PTCHD4: variants seen among roughly 807,000 people sequenced by gnomAD.
PTCHD4 encodes patched domain containing 4.
In PTCHD4, 33 loss-of-function variants were observed where a neutral mutation model predicts 58.1. The observed-to-expected ratio is 0.57, with a 90% confidence interval of 0.43 to 0.76. The LOEUF is 0.76. PTCHD4 is among the 30% of genes least tolerant of loss of function. The probability of loss-of-function intolerance (pLI) is 0.00; values close to 1 mark genes in which losing one functional copy is unlikely to be tolerated. For synonymous variants in PTCHD4, 478 were observed against 409.6 expected, an observed-to-expected ratio of 1.17 and a Z score of -2.02; for missense variants, 1,058 against 1,027.1, an observed-to-expected ratio of 1.03 and a Z score of -0.41.
At position 47,873,336 on chromosome 6, in the gene PTCHD4, T is replaced by C. The variant is rs1328981; in HGVS notation, c.*4967A>G. On this transcript the variant is annotated 3_prime_UTR_variant, in exon 5 of 5. Coordinates refer to ENST00000339488, the MANE Select transcript of PTCHD4 (RefSeq NM_001384253.1). ...CTATCACACCTACTTACAGACATCT[T>C]GATTTCTGAGATGTGGGCTCATCTC... Among the ~76,000 whole-genome samples, 9,310 of 151,756 alleles carry C rather than the reference T, an allele frequency of 0.061. 334 individuals are homozygous for C. Among genetic ancestry groups the C allele is most frequent in the Middle Eastern group, 0.099 (29 of 294 alleles).
In PTCHD4 at chr6:47,879,432, T is replaced by C. The variant is rs749993704; in HGVS notation, c.1403A>G (p.Tyr468Cys). The change falls in exon 5 of 5, where the codon TAT becomes TGT. Residue 468 changes from tyrosine to cysteine, a missense_variant. Physicochemically the swap from Tyr to Cys is radical, Grantham distance 194. Coordinates refer to ENST00000339488, the MANE Select transcript of PTCHD4 (RefSeq NM_001384253.1). ...GAAGGAGAAGGAGGCATAAATGAGATAGAGGATGACAACAAATGGCTTCAC... is the reference window on the plus strand; with the variant it reads ...GAAGGAGAAGGAGGCATAAATGAGACAGAGGATGACAACAAATGGCTTCAC... ...IYVKPFVVIL[Y>C]LIYASFSFMG... 5.6e-6 allele frequency: 9 copies of C among 1,613,528 alleles called. No homozygotes were observed. The highest frequency in any genetic ancestry group is 2.7e-5 in the African/African-American group (2 of 74,898).
intron 1 of PTCHD4, among the ~76,000 whole-genome samples, chr6:48,091,306 A>T (rs1369534591): frequency 6.6e-6 from 1 of 152,012 alleles, no homozygotes; most frequent in East Asian, 1.9e-4. Flanking sequence ...ATAAAAATGA[A>T]TAAAAATGAA....
intron 1 of PTCHD4, among the ~76,000 whole-genome samples, chr6:48,100,940 A>C (rs1765591009): frequency 6.6e-6 from 1 of 152,322 alleles, no homozygotes; most frequent in Admixed American, 6.5e-5. Flanking sequence ...ATTATGTCAA[A>C]ATAATTTTAA....
chr6:47,944,102 T>C (rs1766332183), intron 4 of PTCHD4, among the ~76,000 whole-genome samples: 1 of 152,108 alleles, frequency 6.6e-6, no homozygotes, highest in Non-Finnish European at 1.5e-5. Flanking sequence ...AAAGAATCTT[T>C]CTATTCCAAT....
At chr6:47,928,357 T>C (rs16876833) in intron 4 of PTCHD4, among the ~76,000 whole-genome samples, 24,121 of 152,184 alleles carry the variant, frequency 0.16, 2,297 homozygotes, top group African/African-American at 0.27. Context: ...AGAATGAAAC[T>C]AGGAGATCTA....
chr6:48,048,751 C>A (rs529087211), intron 3 of PTCHD4, among the ~76,000 whole-genome samples: 1 of 152,098 alleles, frequency 6.6e-6, no homozygotes, highest in East Asian at 1.9e-4. Context: ...GCTTCCCAGA[C>A]CAACAGGATT....
intron 4 of PTCHD4, among the ~76,000 whole-genome samples, chr6:47,985,751 C>A (rs1371477032): frequency 1.3e-5 from 1 of 74,980 alleles, no homozygotes; most frequent in African/African-American, 4.5e-5. Context: ...TAAATGCATT[C>A]CTTTTTTTTT....
chr6:47,950,397 G>A (rs1219503114), intron 4 of PTCHD4, among the ~76,000 whole-genome samples: 1 of 152,090 alleles, frequency 6.6e-6, no homozygotes, highest in Non-Finnish European at 1.5e-5. Flanking sequence ...TCTTGCTAGT[G>A]AGGAACAGTG....
intron 4 of PTCHD4, among the ~76,000 whole-genome samples, chr6:47,931,413 T>A (rs1029051644): frequency 2.6e-5 from 4 of 152,214 alleles, no homozygotes; most frequent in African/African-American, 9.6e-5. Flanking sequence ...TAATTCTAGA[T>A]GGATGAACAC....
chr6:48,035,914 C>A (rs1763615924), intron 3 of PTCHD4, among the ~76,000 whole-genome samples: 1 of 152,112 alleles, frequency 6.6e-6, no homozygotes, highest in African/African-American at 2.4e-5. Context: ...CAGAGTTGAG[C>A]CTTATCTCTC....
intron 4 of PTCHD4, among the ~76,000 whole-genome samples, chr6:47,907,863 G>C (rs1302859591): frequency 6.6e-6 from 1 of 152,064 alleles, no homozygotes; most frequent in Non-Finnish European, 1.5e-5. Flanking sequence ...AGACTGTAGG[G>C]GAAACCTGGA....
chr6:48,051,585 A>G (rs991648919), intron 3 of PTCHD4, among the ~76,000 whole-genome samples: 13 of 151,870 alleles, frequency 8.6e-5, no homozygotes, highest in African/African-American at 3.1e-4. Context: ...TTTTCATCTT[A>G]ATATTTCTTG....
intron 4 of PTCHD4, among the ~76,000 whole-genome samples, chr6:47,961,728 A>G (rs1767102129): frequency 6.6e-6 from 1 of 152,240 alleles, no homozygotes; most frequent in Non-Finnish European, 1.5e-5. Context: ...TAAACTGAAT[A>G]AAAATTAAAC....
chr6:47,937,132 T>TAAAA, intron 4 of PTCHD4, among the ~76,000 whole-genome samples: 1 of 152,322 alleles, frequency 6.6e-6, no homozygotes. Flanking sequence ...GGCTTTGGTC[T>TAAAA]TCCATCTGGG....
intron 4 of PTCHD4, among the ~76,000 whole-genome samples, chr6:47,991,324 A>G (rs923953429): frequency 6.6e-6 from 1 of 152,154 alleles, no homozygotes; most frequent in African/African-American, 2.4e-5. Flanking sequence ...AAGATGATAG[A>G]GAATAGTTAT....
chr6:47,974,735 T>C (rs903148832), intron 4 of PTCHD4, among the ~76,000 whole-genome samples: 1 of 152,220 alleles, frequency 6.6e-6, no homozygotes, highest in African/African-American at 2.4e-5. Context: ...TTCTTGCTGA[T>C]TTTCATTCTT....
At chr6:48,038,910 T>A (rs1369704613) in intron 3 of PTCHD4, among the ~76,000 whole-genome samples, 3 of 152,120 alleles carry the variant, frequency 2.0e-5, no homozygotes, top group African/African-American at 7.2e-5. Flanking sequence ...AAAAGGTTTG[T>A]TATGGACAAT....
intron 4 of PTCHD4, among the ~76,000 whole-genome samples, chr6:47,945,086 C>G (rs530341032): frequency 2.0e-5 from 3 of 151,948 alleles, no homozygotes; most frequent in Admixed American, 2.0e-4. Context: ...CAATGACATA[C>G]GATGGGTAAT....
intron 3 of PTCHD4, among the ~76,000 whole-genome samples, chr6:48,041,241 A>G (rs1763835452): frequency 1.3e-5 from 2 of 152,082 alleles, no homozygotes; most frequent in Non-Finnish European, 2.9e-5. Flanking sequence ...AAGAAACATC[A>G]GTCCTGCTAC....
Sources: allele counts gnomAD v4.1 joint callset (sites outside exome capture counted in the v4.1 genomes callset), GRCh38; gene constraint gnomAD v4.1.1; transcripts MANE v1.5; gene names NCBI Gene and HGNC (gene_info 2026-07-23, HGNC 2026-07-21).